Variants in GGTA1 observed in about 807,000 individuals in gnomAD.
GGTA1 encodes the protein inactive N-acetyllactosaminide alpha-1,3-galactosyltransferase.
Under a neutral mutation model 2.6 loss-of-function variants are expected in GGTA1, and 5 were observed. The observed-to-expected ratio is 1.92, with a 90% CI of 1.00 to 4.04. The LOEUF is 4.04. Ranked by LOEUF, GGTA1 falls within the 30% of genes most tolerant of loss-of-function variation. The pLI is 0.00. For missense variants in GGTA1, 50 were observed against 16.7 expected (o/e 2.99, Z -3.47); for synonymous variants, 17 against 5.0 (o/e 3.38, Z -3.19).
At chr9:121,472,395 A>G (rs1158924659) in intron 1 of GGTA1, among the ~76,000 whole-genome samples, 3 of 152,186 alleles carry the variant, frequency 2.0e-5, no homozygotes, top group Non-Finnish European at 4.4e-5. Flanking sequence ...CTGGCATCGT[A>G]TAAATGCAGA....
rs1178482407 is a variant in GGTA1, at chr9:121,476,837, G to A, written c.-9-8906C>T. 6.6e-6 allele frequency among the ~76,000 whole-genome samples: 1 copy of A among 152,120 alleles called. No individual in the cohort carries two copies. The highest frequency in any genetic ancestry group is 2.4e-5 in the African/African-American group (1 of 41,430). On this transcript the variant is annotated intron_variant, in intron 1 of 5. Coordinates refer to ENST00000481799, the MANE Select transcript of GGTA1 (RefSeq NM_001382585.1). The surrounding 1 kb of genome is among the most constrained non-coding windows in gnomAD (Gnocchi z 4.6). The stretch of plus-strand genomic sequence containing the variant: ...GAGAAAGCCCCAAATGCTTCCCAGA[G>A]GTAGAGTGTTGCCTTGCCTGGGAGA...
chr9:121,463,477 A>G (rs1330471056), intron 2 of GGTA1, 149 bp from the exon 3 acceptor site: 1 of 360,104 alleles, frequency 2.8e-6, no homozygotes, highest in Non-Finnish European at 5.4e-6. Context: ...AGACATAACC[A>G]ATGACATCAG....
intron 1 of GGTA1, among the ~76,000 whole-genome samples, chr9:121,475,093 G>C (rs972642631): frequency 3.3e-5 from 5 of 152,090 alleles, no homozygotes; most frequent in Non-Finnish European, 5.9e-5. Context: ...CTAAGTCACA[G>C]GATGAAACCG....
At chr9:121,483,607 GT>G (rs1288161256) in intron 1 of GGTA1, among the ~76,000 whole-genome samples, 6 of 152,202 alleles carry the variant, frequency 3.9e-5, no homozygotes, top group African/African-American at 1.4e-4. Flanking sequence ...CCAGCCCCGA[GT>G]TGATTAATCT....
rs1050007542 is a variant in GGTA1 at position 121,461,167 on chromosome 9, G to C, written c.182+85C>G. Reference sequence around the variant, plus strand: ...GCAAGAAAGATGAGTGACTGAGAAGGTCATGAACATGAAACCATTGTGTGT... The same window carrying C: ...GCAAGAAAGATGAGTGACTGAGAAGCTCATGAACATGAAACCATTGTGTGT... On this transcript the variant is annotated intron_variant, in intron 4 of 5. Transcript: ENST00000481799. 1.2e-5 allele frequency: 5 copies of C among 408,564 alleles called. No homozygotes were observed. The Admixed American group carries it at 1.6e-4, about 13-fold the overall frequency. The allele number at this position is 408,564 out of a possible 1,614,324, so 25.3% of individuals were successfully genotyped here.
At chr9:121,449,852 A>AAAC (rs2064869693) in intron 7 of GGTA1, among the ~76,000 whole-genome samples, 1 of 151,480 alleles carries the variant, frequency 6.6e-6, no homozygotes, top group African/African-American at 2.4e-5. Context: ...AAAAAAAAAA[A>AAAC]AAAAAAAGAA....
intron 1 of GGTA1, among the ~76,000 whole-genome samples, chr9:121,486,133 T>C (rs1489092971): frequency 6.6e-6 from 1 of 152,164 alleles, no homozygotes; most frequent in Non-Finnish European, 1.5e-5. Context: ...CACCTAAAAC[T>C]CCACTTGAGT....
chr9:121,461,579 C>T (rs188891047), intron 3 of GGTA1, among the ~76,000 whole-genome samples: 1 of 152,158 alleles, frequency 6.6e-6, no homozygotes, highest in East Asian at 1.9e-4. Context: ...GAAAAGGGGG[C>T]TGGAGTGGGG....
intron 5 of GGTA1, among the ~76,000 whole-genome samples, chr9:121,458,394 G>A (rs1022229872): frequency 3.3e-5 from 5 of 151,454 alleles, no homozygotes; most frequent in African/African-American, 1.2e-4. Flanking sequence ...TTGGGAGGCC[G>A]AGGCAGGGGA....
chr9:121,475,381 G>T (rs1828487119), intron 1 of GGTA1, among the ~76,000 whole-genome samples: 1 of 152,100 alleles, frequency 6.6e-6, no homozygotes, highest in African/African-American at 2.4e-5. Context: ...CAGTCCTCAG[G>T]GCTGCTCTGC....
intron 3 of GGTA1, among the ~76,000 whole-genome samples, chr9:121,462,046 G>A (rs1303216848): frequency 1.3e-5 from 2 of 152,196 alleles, no homozygotes; most frequent in African/African-American, 2.4e-5. Context: ...GTGGGGGGTC[G>A]GGCACGGTGG....
At chr9:121,491,280 G>A (rs543093109) in intron 1 of GGTA1, among the ~76,000 whole-genome samples, 1 of 152,294 alleles carries the variant, frequency 6.6e-6, no homozygotes, top group Admixed American at 6.5e-5. Context: ...TGGTTTCCCT[G>A]GGGCAGGAGA....
At chr9:121,465,782 A>C (rs553578363) in intron 2 of GGTA1, among the ~76,000 whole-genome samples, 2 of 152,312 alleles carry the variant, frequency 1.3e-5, no homozygotes, top group East Asian at 3.9e-4. Flanking sequence ...AATGATGATG[A>C]GGAAGAGGAG....
chr9:121,484,462 T>C (rs1828715485), intron 1 of GGTA1, among the ~76,000 whole-genome samples: 1 of 152,144 alleles, frequency 6.6e-6, no homozygotes, highest in Non-Finnish European at 1.5e-5. Flanking sequence ...TTTTGTATTT[T>C]TAGTAGAGAC....
intron 1 of GGTA1, among the ~76,000 whole-genome samples, chr9:121,487,307 G>A (rs72762151): frequency 0.11 from 16,096 of 150,070 alleles, 953 homozygotes; most frequent in African/African-American, 0.17. Flanking sequence ...GGCTGCGCGC[G>A]GTGACTCACA....
At chr9:121,466,378 A>C (rs1036634438) in intron 2 of GGTA1, among the ~76,000 whole-genome samples, 1 of 152,204 alleles carries the variant, frequency 6.6e-6, no homozygotes, top group Admixed American at 6.5e-5. Context: ...ACTCTGAGTC[A>C]TCTCTTCTTT....
At chr9:121,459,505 C>A (rs1451306468) in intron 5 of GGTA1, among the ~76,000 whole-genome samples, 2 of 152,116 alleles carry the variant, frequency 1.3e-5, no homozygotes, top group African/African-American at 4.8e-5. Context: ...TCTGATGATA[C>A]CTCATTGCAC....
At chr9:121,458,502 C>T (rs2064932508) in intron 5 of GGTA1, among the ~76,000 whole-genome samples, 1 of 151,880 alleles carries the variant, frequency 6.6e-6, no homozygotes, top group Admixed American at 6.6e-5. Flanking sequence ...TGGCGCATGC[C>T]TGTAGTCCCA....
chr9:121,479,200 C>G (rs1231549295), intron 1 of GGTA1: 1 of 434,344 alleles, frequency 2.3e-6, no homozygotes, highest in Non-Finnish European at 4.6e-6. Flanking sequence ...ATGGCAGAAG[C>G]AAATCATTTC....
Sources: allele counts gnomAD v4.1 joint callset (sites outside exome capture counted in the v4.1 genomes callset), GRCh38; gene constraint gnomAD v4.1.1; non-coding constraint Gnocchi (gnomAD v3.1); transcripts MANE v1.5; gene names NCBI Gene and HGNC (gene_info 2026-07-23, HGNC 2026-07-21).